UBE2R2: variants seen among roughly 807,000 people sequenced by gnomAD.
UBE2R2 encodes ubiquitin-conjugating enzyme E2 R2.
UBE2R2 carries 1 observed loss-of-function variant against 27.8 expected under a neutral mutation model. That is an observed-to-expected ratio of 0.04 (90% CI 0.01 to 0.17). The LOEUF is 0.17. UBE2R2 is among the 10% of genes least tolerant of loss of function. The pLI is 1.00. For synonymous variants in UBE2R2, 106 were observed against 113.3 expected (o/e 0.94, Z 0.41); for missense variants, 100 against 291.0 (o/e 0.34, Z 4.78).
intron 1 of UBE2R2, among the ~76,000 whole-genome samples, chr9:33,849,654 C>A (rs1820920784): frequency 6.7e-6 from 1 of 149,470 alleles, no homozygotes; most frequent in Admixed American, 6.7e-5. Context: ...GAGTTCAAGA[C>A]CAGCCTGGAC....
At chr9:33,834,725 A>G (rs553523544) in intron 1 of UBE2R2, among the ~76,000 whole-genome samples, 2 of 152,042 alleles carry the variant, frequency 1.3e-5, no homozygotes, top group South Asian at 4.2e-4. Context: ...AGCCTGGCCA[A>G]CGTGGAGAAA....
rs1822725040 is a variant in UBE2R2, at chr9:33,918,874, CTCCT to C, written c.*1641_*1644del. ...TAGGTGACGCTTACTTCCTTAGCTCCTCCTTCCATTCTGATCTCAGGGTTTTCAC... is the reference window on the plus strand; with the variant it reads ...TAGGTGACGCTTACTTCCTTAGCTCCTCCATTCTGATCTCAGGGTTTTCAC... On this transcript the variant is annotated 3_prime_UTR_variant, in exon 5 of 5. Coordinates refer to ENST00000263228, the MANE Select transcript of UBE2R2 (RefSeq NM_017811.4). 1 of 152,538 alleles carries C rather than the reference CTCCT, an allele frequency of 6.6e-6. No homozygotes were observed. The highest frequency in any genetic ancestry group is 2.4e-5 in the African/African-American group (1 of 41,274). 9.4% of individuals were successfully genotyped at this position (152,538 alleles called of 1,614,324 possible).
At chr9:33,884,210 C>CTCTCTCTCTCTCTCTCTCTCTCTG (rs1821800309) in intron 1 of UBE2R2, among the ~76,000 whole-genome samples, 1 of 143,214 alleles carries the variant, frequency 7.0e-6, no homozygotes, top group Non-Finnish European at 1.5e-5. Context: ...CTCTCTCTCT[C>CTCTCTCTCTCTCTCTCTCTCTCTG]TCTCTCTCTC....
chr9:33,855,995 C>G (rs1186051912), intron 1 of UBE2R2, among the ~76,000 whole-genome samples: 1 of 152,136 alleles, frequency 6.6e-6, no homozygotes, highest in Non-Finnish European at 1.5e-5. Context: ...GAGGTTGAAG[C>G]TGCTGTGAGC....
intron 2 of UBE2R2, among the ~76,000 whole-genome samples, chr9:33,897,885 C>G (rs1262567678): frequency 6.7e-6 from 1 of 150,308 alleles, no homozygotes. Flanking sequence ...AAGTGATTCT[C>G]CTGCCTCAGC....
chr9:33,873,426 G>A (rs1587460845), intron 1 of UBE2R2, among the ~76,000 whole-genome samples: 3 of 152,188 alleles, frequency 2.0e-5, no homozygotes, highest in African/African-American at 7.2e-5. Flanking sequence ...GCATGATTAA[G>A]CAAAAGTTTA....
intron 1 of UBE2R2, among the ~76,000 whole-genome samples, chr9:33,868,910 T>C (rs1336174275): frequency 6.6e-6 from 1 of 152,212 alleles, no homozygotes; most frequent in African/African-American, 2.4e-5. Flanking sequence ...CTTTTTCACC[T>C]ACTTAATAGT....
rs371121233 is a variant in UBE2R2, at chr9:33,900,367, A to C, written c.362+96A>C. On this transcript the variant is annotated intron_variant, in intron 3 of 4. Coordinates refer to ENST00000263228, the MANE Select transcript of UBE2R2 (RefSeq NM_017811.4). Reference sequence around the variant, plus strand: ...ATGTATTGTCTTTTAACATGTAAAAAATCATCTTTCTTATATTCAGTTTCT... The same window carrying C: ...ATGTATTGTCTTTTAACATGTAAAACATCATCTTTCTTATATTCAGTTTCT... 7 of 865,880 alleles carry C rather than the reference A, an allele frequency of 8.1e-6. No homozygotes were observed. The East Asian group carries it at 1.7e-4, about 21-fold the overall frequency. The allele number at this position is 865,880 out of a possible 1,614,324, so 53.6% of individuals were successfully genotyped here. A position where few individuals can be genotyped will look rare whatever the true frequency, so the allele number is the denominator to read the frequency against.
intron 1 of UBE2R2, among the ~76,000 whole-genome samples, chr9:33,858,703 G>A (rs1587449752): frequency 6.6e-6 from 1 of 152,194 alleles, no homozygotes; most frequent in Non-Finnish European, 1.5e-5. Flanking sequence ...ACCGTTGCCA[G>A]GCCAATATTA....
chr9:33,886,054 A>AAC, intron 1 of UBE2R2, among the ~76,000 whole-genome samples: 1 of 152,316 alleles, frequency 6.6e-6, no homozygotes, highest in Non-Finnish European at 1.5e-5. Flanking sequence ...TGTAAAAAAA[A>AAC]TGTTTACAAT....
Position 33,919,714 on chromosome 9 carries a change from T to TTGAG in UBE2R2, c.*2479_*2482dup, listed in dbSNP as rs1214612552. On this transcript the variant is annotated 3_prime_UTR_variant, in exon 5 of 5. Transcript: ENST00000263228. ...GAGAACACATCCCTGTGGAAAATAC[T>TTGAG]TGAGTTTGTAATTTTTTTTCCCCCT... 1 of 148,616 alleles carries TTGAG rather than the reference T, an allele frequency of 6.7e-6. No individual in the cohort carries two copies. The highest frequency in any genetic ancestry group is 2.5e-5 in the African/African-American group (1 of 39,582). 9.2% of individuals were successfully genotyped at this position (148,616 alleles called of 1,614,324 possible). A position where few individuals can be genotyped will look rare whatever the true frequency, so the allele number is the denominator to read the frequency against.
At chr9:33,818,040 G>A in intron 1 of UBE2R2, 106 bp downstream of exon 1, 1 of 1,363,168 alleles carries the variant, frequency 7.3e-7, no homozygotes, top group South Asian at 1.3e-5. Context: ...GGCGAGTGGA[G>A]GGGGCTTCTC....
chr9:33,878,735 T>G (rs1021927614), intron 1 of UBE2R2, among the ~76,000 whole-genome samples: 4 of 152,140 alleles, frequency 2.6e-5, no homozygotes, highest in Admixed American at 1.3e-4. Flanking sequence ...GTAGAGATTT[T>G]ATAGGATAGT....
At chr9:33,860,379 C>T (rs1000695197) in intron 1 of UBE2R2, among the ~76,000 whole-genome samples, 1 of 152,160 alleles carries the variant, frequency 6.6e-6, no homozygotes, top group Non-Finnish European at 1.5e-5. Flanking sequence ...ACTCCAGCAT[C>T]CTGTGGTAGT....
At chr9:33,866,442 T>C (rs1821365636) in intron 1 of UBE2R2, among the ~76,000 whole-genome samples, 1 of 152,098 alleles carries the variant, frequency 6.6e-6, no homozygotes, top group Non-Finnish European at 1.5e-5. Flanking sequence ...TTTCACCTTG[T>C]TGGTCAGGCT....
At chr9:33,878,921 T>G (rs1369855081) in intron 1 of UBE2R2, among the ~76,000 whole-genome samples, 1 of 152,150 alleles carries the variant, frequency 6.6e-6, no homozygotes, top group African/African-American at 2.4e-5. Flanking sequence ...TTATCTGCTT[T>G]CTTTTATTGC....
At chr9:33,830,771 G>GAA (rs370816652) in intron 1 of UBE2R2, among the ~76,000 whole-genome samples, 7 of 136,236 alleles carry the variant, frequency 5.1e-5, no homozygotes, top group African/African-American at 1.4e-4. Flanking sequence ...CCTCTCAAAG[G>GAA]AAAAAAAAAA....
intron 4 of UBE2R2, among the ~76,000 whole-genome samples, chr9:33,914,310 T>C (rs2196): frequency 0.62 from 93,674 of 152,078 alleles, 28,956 homozygotes; most frequent in East Asian, 0.77. Context: ...AAAGGGAAAA[T>C]ACCCATGTTT....
chr9:33,821,453 C>T lies in UBE2R2; in HGVS notation c.177+3519C>T, dbSNP rs922902097. On this transcript the variant is annotated intron_variant, in intron 1 of 4. Coordinates refer to ENST00000263228, the MANE Select transcript of UBE2R2 (RefSeq NM_017811.4). Reference sequence around the variant, plus strand: ...TTTTACAGGCGTCAGCCACCATGCCCGGCTGGAACTATCTTTTCAAATAAC... The same window carrying T: ...TTTTACAGGCGTCAGCCACCATGCCTGGCTGGAACTATCTTTTCAAATAAC... Among the ~76,000 whole-genome samples the T allele has an allele frequency of 2.6e-5, 4 of 152,124 alleles. 1 individual carries two copies. Among genetic ancestry groups the T allele is most frequent in the South Asian group, 4.2e-4 (2 of 4,818 alleles).
Sources: gnomAD v4.1 joint callset for allele counts (sites outside exome capture counted in the v4.1 genomes callset) on GRCh38, gnomAD v4.1.1 for gene constraint, MANE v1.5 for transcripts, NCBI Gene and HGNC (gene_info 2026-07-23, HGNC 2026-07-21) for gene names.